Variants in KIAA1217 observed in about 807,000 individuals in gnomAD.
KIAA1217 encodes the protein KIAA1217.
A neutral mutation model predicts 163.9 loss-of-function variants in KIAA1217; 88 were observed. The ratio of observed to expected loss-of-function variants is 0.54; its 90% CI spans 0.45 to 0.64. KIAA1217 has a LOEUF of 0.64. Ranked by LOEUF, KIAA1217 falls within the 30% of genes least tolerant of loss-of-function variation. KIAA1217 has a pLI of 0.00. For missense variants in KIAA1217, 2,372 were observed against 2,475.0 expected, an observed-to-expected ratio of 0.96 and a Z score of 0.88; for synonymous variants, 903 against 923.1, an observed-to-expected ratio of 0.98 and a Z score of 0.39.
chr10:24,209,173 C>T lies in KIAA1217; in HGVS notation c.-21C>T. On this transcript the variant is annotated 5_prime_UTR_variant, in exon 1 of 21. Coordinates refer to ENST00000376454, the MANE Select transcript of KIAA1217 (RefSeq NM_019590.5). Reference sequence around the variant, plus strand: ...TCTGAAGTTTCCAGAGAGCGAGGAGCTTTTGCGGCAGGCAGAGACAATGGA... The same window carrying T: ...TCTGAAGTTTCCAGAGAGCGAGGAGTTTTTGCGGCAGGCAGAGACAATGGA... 6.2e-7 allele frequency: 1 copy of T among 1,612,578 alleles called. No homozygotes were observed. Among genetic ancestry groups the T allele is most frequent in the Non-Finnish European group, 8.5e-7 (1 of 1,178,818 alleles).
chr10:24,411,282 A>C (rs2057750114), intron 3 of KIAA1217, among the ~76,000 whole-genome samples: 1 of 152,184 alleles, frequency 6.6e-6, no homozygotes, highest in African/African-American at 2.4e-5. Context: ...AAAAGGATTC[A>C]AAGAGAAGTC....
At chr10:23,865,924 A>G (rs1223131953) in intron 1 of KIAA1217, among the ~76,000 whole-genome samples, 1 of 152,120 alleles carries the variant, frequency 6.6e-6, no homozygotes, top group African/African-American at 2.4e-5. Flanking sequence ...TTCTCTATTG[A>G]TTTATTTGCT....
At chr10:23,841,851 AT>A (rs1406228790) in intron 1 of KIAA1217, among the ~76,000 whole-genome samples, 1 of 148,826 alleles carries the variant, frequency 6.7e-6, no homozygotes, top group African/African-American at 2.5e-5. Flanking sequence ...ATTTTATTTT[AT>A]TTTATTTTAT....
intron 2 of KIAA1217, among the ~76,000 whole-genome samples, chr10:24,359,243 C>A (rs1025564988): frequency 2.6e-5 from 4 of 152,040 alleles, no homozygotes; most frequent in African/African-American, 9.7e-5. Flanking sequence ...GCGTGTGCCA[C>A]AAAACCCAAT....
At chr10:23,764,925 T>C (rs926180025) in intron 1 of KIAA1217, among the ~76,000 whole-genome samples, 1 of 152,160 alleles carries the variant, frequency 6.6e-6, no homozygotes, top group Admixed American at 6.5e-5. Flanking sequence ...ATCAACATTC[T>C]CGTCTGTATT....
At chr10:24,293,082 G>A (rs985722520) in intron 2 of KIAA1217, among the ~76,000 whole-genome samples, 35 of 152,116 alleles carry the variant, frequency 2.3e-4, no homozygotes, top group Middle Eastern at 3.4e-3. Context: ...TCCCTCTGTC[G>A]CCCAGCCAGG....
intron 1 of KIAA1217, among the ~76,000 whole-genome samples, chr10:23,884,423 C>T (rs186308814): frequency 3.6e-4 from 54 of 151,976 alleles, no homozygotes; most frequent in Middle Eastern, 3.4e-3. Context: ...AAGGATGTTG[C>T]GGATGTCCAG....
chr10:24,037,482 T>C (rs1848444117), intron 2 of KIAA1217, among the ~76,000 whole-genome samples: 1 of 152,018 alleles, frequency 6.6e-6, no homozygotes, highest in Non-Finnish European at 1.5e-5. Flanking sequence ...AGAGCAAGAC[T>C]CTGTCTCAAA....
At chr10:23,994,001 G>T (rs1017241334) in intron 1 of KIAA1217, among the ~76,000 whole-genome samples, 3 of 152,140 alleles carry the variant, frequency 2.0e-5, no homozygotes, top group South Asian at 4.1e-4. Context: ...ACAGGCCTTC[G>T]CATTTCTCCT....
At chr10:24,459,207 G>A (rs763970576) in intron 5 of KIAA1217, among the ~76,000 whole-genome samples, 1 of 152,122 alleles carries the variant, frequency 6.6e-6, no homozygotes, top group Non-Finnish European at 1.5e-5. Context: ...CCTTGACCAT[G>A]CCTTAGTTCC....
intron 8 of KIAA1217, among the ~76,000 whole-genome samples, chr10:24,496,847 A>G (rs2066848419): frequency 6.6e-6 from 1 of 152,146 alleles, no homozygotes; most frequent in African/African-American, 2.4e-5. Context: ...AAATGTGGGG[A>G]AAGGAGCCAG....
At chr10:24,147,601 G>C (rs2064378954) in intron 2 of KIAA1217, among the ~76,000 whole-genome samples, 1 of 151,970 alleles carries the variant, frequency 6.6e-6, no homozygotes, top group Non-Finnish European at 1.5e-5. Flanking sequence ...CCAACACTTT[G>C]GGAGGCCAAG....
At chr10:24,468,580 GT>G (rs1260446753) in intron 5 of KIAA1217, among the ~76,000 whole-genome samples, 2 of 152,150 alleles carry the variant, frequency 1.3e-5, no homozygotes, top group Non-Finnish European at 2.9e-5. Context: ...CAGATTGATG[GT>G]GACTCTTTCG....
At chr10:23,824,247 CTGAG>C (rs1837762552) in intron 1 of KIAA1217, among the ~76,000 whole-genome samples, 1 of 151,716 alleles carries the variant, frequency 6.6e-6, no homozygotes, top group Non-Finnish European at 1.5e-5. Context: ...GTACTGCAGA[CTGAG>C]TGACAGGAGT....
intron 2 of KIAA1217, among the ~76,000 whole-genome samples, chr10:24,251,400 CAAAAAAAAAA>C (rs55668887): frequency 4.4e-5 from 4 of 90,536 alleles, no homozygotes; most frequent in African/African-American, 1.3e-4. Flanking sequence ...GACACTGTCT[CAAAAAAAAAA>C]AAAAAAAAAA....
intron 4 of KIAA1217, among the ~76,000 whole-genome samples, chr10:24,435,572 C>T (rs1369213072): frequency 6.6e-6 from 1 of 152,164 alleles, no homozygotes; most frequent in African/African-American, 2.4e-5. Flanking sequence ...GTAATTGGGC[C>T]TCACTGTCTT....
intron 1 of KIAA1217, among the ~76,000 whole-genome samples, chr10:23,731,210 G>A (rs1037372175): frequency 6.6e-6 from 1 of 152,054 alleles, no homozygotes; most frequent in Non-Finnish European, 1.5e-5. Context: ...GGGGAAGGTG[G>A]AACAGAAATT....
intron 2 of KIAA1217, among the ~76,000 whole-genome samples, chr10:24,140,375 A>C (rs906192700): frequency 6.6e-6 from 1 of 151,992 alleles, no homozygotes; most frequent in African/African-American, 2.4e-5. Context: ...AAAAAAAAAA[A>C]AGAAATCACT....
At chr10:23,720,754 A>G (rs1220293934) in intron 1 of KIAA1217, among the ~76,000 whole-genome samples, 3 of 152,182 alleles carry the variant, frequency 2.0e-5, no homozygotes, top group Non-Finnish European at 1.5e-5. Flanking sequence ...AACTACTGTA[A>G]GAATAGTCTG....
Sources: gnomAD v4.1 joint callset for allele counts (sites outside exome capture counted in the v4.1 genomes callset) on GRCh38, gnomAD v4.1.1 for gene constraint, MANE v1.5 for transcripts, NCBI Gene and HGNC (gene_info 2026-07-23, HGNC 2026-07-21) for gene names.